Variants in UIMC1 observed in about 807,000 individuals in gnomAD.
UIMC1 encodes the protein BRCA1-A complex subunit RAP80.
A neutral mutation model predicts 84.9 loss-of-function variants in UIMC1; 42 were observed. That is an observed-to-expected ratio of 0.49 (90% confidence interval 0.39 to 0.64). The LOEUF (loss-of-function observed/expected upper bound fraction) is 0.64. Ranked by LOEUF, UIMC1 falls within the 30% of genes least tolerant of loss-of-function variation. UIMC1 has a pLI of 0.00. For synonymous variants in UIMC1, 281 were observed against 293.0 expected (o/e 0.96, Z 0.42); for missense variants, 825 against 847.6 (o/e 0.97, Z 0.33).
intron 1 of UIMC1, among the ~76,000 whole-genome samples, chr5:177,000,802 C>T (rs1409362219): frequency 6.6e-6 from 1 of 152,046 alleles, no homozygotes; most frequent in Non-Finnish European, 1.5e-5. Context: ...GCCCAGCCTG[C>T]ATGTCTTCTT....
At position 176,968,548 on chromosome 5, in the gene UIMC1, C is replaced by T; in HGVS notation, c.1200+7G>A. On this transcript the variant is annotated splice_region_variant and intron_variant, in intron 6 of 14. Coordinates refer to ENST00000511320, the MANE Select transcript of UIMC1 (RefSeq NM_001199298.2). ...TCATCCTTAATTACAGCATCACTGA[C>T]CCTTACCTGACCATGACTGGTTGTT... 1.9e-6 allele frequency: 3 copies of T among 1,599,650 alleles called. No individual in the cohort carries two copies. Among genetic ancestry groups the T allele is most frequent in the Admixed American group, 1.7e-5 (1 of 57,578 alleles).
At chr5:176,927,469 G>A (rs1762520930) in intron 10 of UIMC1, among the ~76,000 whole-genome samples, 1 of 152,010 alleles carries the variant, frequency 6.6e-6, no homozygotes, top group Non-Finnish European at 1.5e-5. Flanking sequence ...GGCCAGGCTG[G>A]CCTTGAACTC....
chr5:176,988,403 C>T (rs1027761569), intron 1 of UIMC1, among the ~76,000 whole-genome samples: 20 of 151,774 alleles, frequency 1.3e-4, no homozygotes, highest in Admixed American at 1.3e-4. Context: ...ACATGCCAAG[C>T]GAAAGAAGCC....
intron 10 of UIMC1, among the ~76,000 whole-genome samples, chr5:176,915,614 C>A (rs1237335369): frequency 2.0e-5 from 3 of 151,694 alleles, no homozygotes; most frequent in Non-Finnish European, 4.4e-5. Flanking sequence ...TGCCACCACA[C>A]CTGGCTAATT....
At chr5:176,985,299 T>TA (rs919868043) in intron 1 of UIMC1, among the ~76,000 whole-genome samples, 6 of 151,836 alleles carry the variant, frequency 4.0e-5, no homozygotes, top group Non-Finnish European at 8.8e-5. Context: ...CTACTAAAAA[T>TA]ACAAACATTA....
At chr5:176,959,367 C>G (rs1009177688) in intron 6 of UIMC1, among the ~76,000 whole-genome samples, 3 of 152,184 alleles carry the variant, frequency 2.0e-5, no homozygotes, top group Non-Finnish European at 2.9e-5. Flanking sequence ...TTATAAGGCA[C>G]CTCCATCTCT....
Position 176,968,547 on chromosome 5 carries a change from ACC to A in UIMC1, c.1200+6_1200+7del. On this transcript the variant is annotated splice_donor_region_variant and intron_variant, in intron 6 of 14. Coordinates refer to ENST00000511320, the MANE Select transcript of UIMC1 (RefSeq NM_001199298.2). ...ATCATCCTTAATTACAGCATCACTG[ACC>A]CTTACCTGACCATGACTGGTTGTTG... The A allele has an allele frequency of 3.1e-6, 5 of 1,590,790 alleles. No homozygotes were observed. Among genetic ancestry groups the A allele is most frequent in the South Asian group, 1.2e-5 (1 of 86,790 alleles).
rs149448014 is a variant in UIMC1 at position 176,986,618 on chromosome 5, T to C, written c.-8-3995A>G. Among the ~76,000 whole-genome samples the C allele has an allele frequency of 6.6e-3, 983 of 149,320 alleles. 8 individuals are homozygous for C. Among genetic ancestry groups the C allele is most frequent in the African/African-American group, 0.023 (934 of 40,648 alleles). ...ATTTTGGGAGACCAAAGCAGGAGGA[T>C]GGCTTGAGCCCACAAGTTAAGAGAC... On this transcript the variant is annotated intron_variant, in intron 1 of 14. Transcript: ENST00000511320.
upstream of UIMC1, among the ~76,000 whole-genome samples, chr5:177,009,193 G>A (rs1051631039): frequency 6.6e-6 from 1 of 151,332 alleles, no homozygotes; most frequent in African/African-American, 2.4e-5. The surrounding 1 kb of genome is among the most constrained non-coding windows in gnomAD (Gnocchi z 4.3). Flanking sequence ...GTTTTTTTGT[G>A]GAGACGGAGT....
chr5:176,956,363 C>T (rs538069983), intron 7 of UIMC1, among the ~76,000 whole-genome samples: 7 of 152,176 alleles, frequency 4.6e-5, no homozygotes, highest in Non-Finnish European at 1.0e-4. Context: ...ATAAGGATGT[C>T]AAAGGTGTTT....
intron 1 of UIMC1, chr5:177,022,387 TC>T (rs900262003): frequency 1.2e-5 from 3 of 240,356 alleles, no homozygotes; most frequent in African/African-American, 2.3e-5. Flanking sequence ...GGCCTCAGTT[TC>T]CCTGTGAATG....
intron 1 of UIMC1, among the ~76,000 whole-genome samples, chr5:177,012,105 G>A (rs1775562205): frequency 6.6e-6 from 1 of 152,220 alleles, no homozygotes; most frequent in South Asian, 2.1e-4. Flanking sequence ...CTGCTAGGGA[G>A]ATTTTCTACA....
intron 3 of UIMC1, among the ~76,000 whole-genome samples, chr5:176,973,965 G>A (rs992534219): frequency 1.3e-5 from 2 of 152,090 alleles, no homozygotes; most frequent in African/African-American, 2.4e-5. Context: ...GGAGGCTAAA[G>A]CTGGAGGATC....
intron 5 of UIMC1, 130 bp from the exon 6 acceptor site, chr5:176,969,421 G>A (rs748224469): frequency 3.5e-5 from 49 of 1,404,390 alleles, no homozygotes; most frequent in African/African-American, 4.3e-5. Flanking sequence ...ACCAAATGTT[G>A]GTTTTTCCTT....
chr5:176,954,778 T>C (rs1199147693), intron 8 of UIMC1, among the ~76,000 whole-genome samples: 1 of 148,928 alleles, frequency 6.7e-6, no homozygotes, highest in Non-Finnish European at 1.5e-5. Flanking sequence ...AAAGCCAACA[T>C]AGTCCGATTT....
At chr5:176,908,372 A>G in intron 12 of UIMC1, 151 bp downstream of exon 12, 2 of 773,616 alleles carry the variant, frequency 2.6e-6, no homozygotes, top group Non-Finnish European at 3.8e-6. Context: ...AATTAAAAGG[A>G]AAAATAATTT....
At position 176,958,153 on chromosome 5, in the gene UIMC1, G is replaced by A. The variant is rs202227665; in HGVS notation, c.1202C>T (p.Ser401Phe). The A allele has an allele frequency of 1.5e-4, 250 of 1,613,372 alleles. 1 individual carries two copies. Among genetic ancestry groups the A allele is most frequent in the Non-Finnish European group, 1.9e-4 (222 of 1,179,482 alleles). Residue 401 changes from serine (S) to phenylalanine (F), a missense_variant and splice_region_variant, in exon 7 of 15, where the codon TCT (serine) becomes TTT (phenylalanine). By Grantham distance (155) the Ser-to-Phe change is radical. Coordinates refer to ENST00000511320, the MANE Select transcript of UIMC1 (RefSeq NM_001199298.2). ...AGTTTCTTCAACAATCCCTTGGGAAGACTGCAAAGAAATACGTAGTATCTT... is the reference window on the plus strand; with the variant it reads ...AGTTTCTTCAACAATCCCTTGGGAAAACTGCAAAGAAATACGTAGTATCTT... Reference protein sequence around the residue: ...EEEPTTSHGQSSQGIVEETSE... With the variant: ...EEEPTTSHGQFSQGIVEETSE...
chr5:176,969,902 C>G, intron 4 of UIMC1, 196 bp from the exon 5 acceptor site: 1 of 510,344 alleles, frequency 2.0e-6, no homozygotes, highest in East Asian at 3.0e-5. Context: ...ATACTAAACC[C>G]TTTTTTAAAA....
chr5:176,937,623 A>T (rs1763870573), intron 10 of UIMC1, among the ~76,000 whole-genome samples: 1 of 152,262 alleles, frequency 6.6e-6, no homozygotes, highest in Non-Finnish European at 1.5e-5. Flanking sequence ...TATAATCAAA[A>T]CTTACAGCAA....
Sources: allele counts gnomAD v4.1 joint callset (sites outside exome capture counted in the v4.1 genomes callset), GRCh38; gene constraint gnomAD v4.1.1; non-coding constraint Gnocchi (gnomAD v3.1); transcripts MANE v1.5; gene names NCBI Gene and HGNC (gene_info 2026-07-23, HGNC 2026-07-21).